The following THRB variants were observed in gnomAD, a reference collection of about 807,000 sequenced individuals.
The protein encoded by THRB is nuclear receptor subfamily 1 group A member 2.
Under a neutral mutation model 47.8 loss-of-function variants are expected in THRB, and 12 were observed. The observed-to-expected ratio is 0.25, with a 90% CI of 0.16 to 0.41. The LOEUF is 0.41. Ranked by LOEUF, THRB falls within the 10% of genes least tolerant of loss-of-function variation. The probability of loss-of-function intolerance (pLI) is 1.00; values close to 1 mark genes in which losing one functional copy is unlikely to be tolerated. For missense variants in THRB, 348 were observed against 589.2 expected (o/e 0.59, Z 4.24); for synonymous variants, 218 against 212.2 (o/e 1.03, Z -0.24).
At chr3:24,220,554 C>T (rs1176204729) in intron 4 of THRB, among the ~76,000 whole-genome samples, 1 of 152,174 alleles carries the variant, frequency 6.6e-6, no homozygotes, top group Non-Finnish European at 1.5e-5. Context: ...AACTTAGGTC[C>T]TCTTTCAAAG....
At chr3:24,156,248 G>A (rs2037820590) in intron 5 of THRB, among the ~76,000 whole-genome samples, 1 of 152,222 alleles carries the variant, frequency 6.6e-6, no homozygotes, top group South Asian at 2.1e-4. Flanking sequence ...CTTCTTGGTT[G>A]AAAACAGATT....
At chr3:24,418,646 T>C (rs1426667150) in intron 1 of THRB, among the ~76,000 whole-genome samples, 1 of 151,902 alleles carries the variant, frequency 6.6e-6, no homozygotes, top group African/African-American at 2.4e-5. Context: ...TCCTAGGCCT[T>C]ACCCTCCAAA....
intron 3 of THRB, among the ~76,000 whole-genome samples, chr3:24,277,335 G>C (rs1003698331): frequency 6.6e-6 from 1 of 152,186 alleles, no homozygotes; most frequent in African/African-American, 2.4e-5. Context: ...TCTCACAGCA[G>C]AGAATCATCT....
intron 1 of THRB, among the ~76,000 whole-genome samples, chr3:24,379,069 A>G (rs1367738185): frequency 6.6e-6 from 1 of 152,140 alleles, no homozygotes; most frequent in South Asian, 2.1e-4. Context: ...TGAGAGTCGC[A>G]CAGCCCTGCC....
At chr3:24,435,927 A>G (rs1011470765) in intron 1 of THRB, among the ~76,000 whole-genome samples, 1 of 152,204 alleles carries the variant, frequency 6.6e-6, no homozygotes, top group Non-Finnish European at 1.5e-5. Context: ...CGCTTAAGTG[A>G]CTAGAGAAAG....
intron 1 of THRB, among the ~76,000 whole-genome samples, chr3:24,394,472 A>C (rs1169967379): frequency 2.0e-5 from 3 of 151,796 alleles, no homozygotes; most frequent in African/African-American, 7.3e-5. Context: ...CCTACCTGCC[A>C]CCTCCCTACA....
chr3:24,372,854 G>A (rs924378488), intron 1 of THRB, among the ~76,000 whole-genome samples: 32 of 152,032 alleles, frequency 2.1e-4, no homozygotes, highest in African/African-American at 7.0e-4. Context: ...AAAGACTTCT[G>A]AAAAATGTGG....
At chr3:24,130,188 C>T (rs2033624945) in intron 9 of THRB, among the ~76,000 whole-genome samples, 1 of 152,164 alleles carries the variant, frequency 6.6e-6, no homozygotes, top group Admixed American at 6.5e-5. Flanking sequence ...TTGTAATTGG[C>T]AGACCACACG....
At chr3:24,210,840 G>A (rs1045818616) in intron 4 of THRB, among the ~76,000 whole-genome samples, 1 of 152,202 alleles carries the variant, frequency 6.6e-6, no homozygotes, top group East Asian at 1.9e-4. Context: ...TGGAAAGTCA[G>A]CTTCAATCAA....
chr3:24,176,232 T>A (rs751711113), intron 5 of THRB, among the ~76,000 whole-genome samples: 3 of 152,184 alleles, frequency 2.0e-5, no homozygotes, highest in South Asian at 4.1e-4. Flanking sequence ...ATGTATTTTT[T>A]AATTTAATCA....
At chr3:24,190,738 C>T (rs1361592022) in intron 4 of THRB, among the ~76,000 whole-genome samples, 2 of 151,970 alleles carry the variant, frequency 1.3e-5, no homozygotes, top group Admixed American at 6.6e-5. Flanking sequence ...ACATAAAACA[C>T]CCAGGATTCA....
chr3:24,199,022 C>A (rs926618339), intron 4 of THRB, among the ~76,000 whole-genome samples: 1 of 152,086 alleles, frequency 6.6e-6, no homozygotes. Context: ...ATTTATGGAG[C>A]ATTTATTTAA....
intron 2 of THRB, among the ~76,000 whole-genome samples, chr3:24,326,221 G>T (rs961179678): frequency 6.6e-6 from 1 of 152,014 alleles, no homozygotes; most frequent in East Asian, 1.9e-4. Context: ...CACCACCACG[G>T]TTAGTTACAA....
intron 3 of THRB, among the ~76,000 whole-genome samples, chr3:24,267,306 G>A (rs2052760583): frequency 6.6e-6 from 1 of 151,094 alleles, no homozygotes; most frequent in Admixed American, 6.6e-5. Context: ...AAGGATTAGT[G>A]TTTCTAGAGA....
In THRB at chr3:24,381,426, G is replaced by A. The variant is rs1051882473; in HGVS notation, c.-260-44055C>T. 3.3e-5 allele frequency among the ~76,000 whole-genome samples: 5 copies of A among 152,148 alleles called. 1 individual carries two copies. Among genetic ancestry groups the A allele is most frequent in the Admixed American group, 3.3e-4 (5 of 15,276 alleles). Reference sequence around the variant, plus strand: ...ACTCTGAGGGGTCAGTAGGCAGTTAGAGAATAAGCTTTTTGGAGTAGAAGT... The same window carrying A: ...ACTCTGAGGGGTCAGTAGGCAGTTAAAGAATAAGCTTTTTGGAGTAGAAGT... On this transcript the variant is annotated intron_variant, in intron 1 of 10. Coordinates refer to ENST00000646209, the MANE Select transcript of THRB (RefSeq NM_001354712.2).
At chr3:24,470,698 C>G (rs2074498405) in intron 1 of THRB, among the ~76,000 whole-genome samples, 1 of 152,190 alleles carries the variant, frequency 6.6e-6, no homozygotes, top group Admixed American at 6.5e-5. Context: ...CTCACTGCAA[C>G]CCCTGCCTCT....
intron 4 of THRB, among the ~76,000 whole-genome samples, chr3:24,199,581 G>A (rs2044358870): frequency 6.6e-6 from 1 of 152,104 alleles, no homozygotes; most frequent in South Asian, 2.1e-4. Flanking sequence ...TGGTTTTCCT[G>A]TATATTCCAT....
At chr3:24,134,418 C>G (rs1361026764) in intron 8 of THRB, among the ~76,000 whole-genome samples, 3 of 152,194 alleles carry the variant, frequency 2.0e-5, no homozygotes, top group African/African-American at 7.2e-5. Flanking sequence ...ATCATAACCA[C>G]CATTTATTTG....
chr3:24,495,265 G>A (rs563655338), upstream of THRB: 225 of 143,156 alleles, frequency 1.6e-3, 1 homozygote, highest in Middle Eastern at 0.018. Context: ...GGCTCCGCCA[G>A]GGGCGCAGCG....
Sources: gnomAD v4.1 joint callset for allele counts (sites outside exome capture counted in the v4.1 genomes callset) on GRCh38, gnomAD v4.1.1 for gene constraint, MANE v1.5 for transcripts, NCBI Gene and HGNC (gene_info 2026-07-23, HGNC 2026-07-21) for gene names.